The following PTPN21 variants were observed in gnomAD, a reference collection of about 807,000 sequenced individuals.
The protein encoded by PTPN21 is protein tyrosine phosphatase non-receptor type 21.
A neutral mutation model predicts 131.8 loss-of-function variants in PTPN21; 77 were observed. The ratio of observed to expected loss-of-function variants is 0.58; its 90% CI spans 0.49 to 0.71. The LOEUF is 0.71. Ranked by LOEUF, PTPN21 falls within the 30% of genes least tolerant of loss-of-function variation. The probability of loss-of-function intolerance (pLI) is 0.00; values close to 1 mark genes in which losing one functional copy is unlikely to be tolerated. For missense variants in PTPN21, 1,552 were observed against 1,527.1 expected, an observed-to-expected ratio of 1.02 and a Z score of -0.27; for synonymous variants, 715 against 621.3, an observed-to-expected ratio of 1.15 and a Z score of -2.24.
chr14:88,473,583 A>G (rs1012203010), intron 14 of PTPN21, 82 bp downstream of exon 14: 5 of 1,486,020 alleles, frequency 3.4e-6, no homozygotes, highest in Non-Finnish European at 4.5e-6. Flanking sequence ...TAGAAAATTC[A>G]CCAAAATCTC....
At position 88,544,841 on chromosome 14, in the gene PTPN21, T is replaced by C. The variant is rs552270390; in HGVS notation, c.180+5397A>G. Among the ~76,000 whole-genome samples the C allele has an allele frequency of 1.1e-3, 171 of 152,222 alleles. 3 individuals are homozygous for C. The highest frequency in any genetic ancestry group is 6.8e-3 in the Middle Eastern group (2 of 294). On this transcript the variant is annotated intron_variant, in intron 2 of 18. Transcript: ENST00000556564. ...TGTACTTTTTCTTTTCTTTTCTTTT[T>C]TTTTGAGACAGAGTCTCACTCTGTC...
intron 3 of PTPN21, among the ~76,000 whole-genome samples, chr14:88,514,769 C>G (rs2078240891): frequency 6.6e-6 from 1 of 151,962 alleles, no homozygotes; most frequent in Non-Finnish European, 1.5e-5. Flanking sequence ...TGGCCCTCCC[C>G]CTTTGTTTTC....
intron 2 of PTPN21, among the ~76,000 whole-genome samples, chr14:88,522,445 A>G (rs1348676763): frequency 7.2e-6 from 1 of 138,950 alleles, no homozygotes; most frequent in Non-Finnish European, 1.5e-5. Flanking sequence ...AAAAAAAAAG[A>G]AAAAAAGAAA....
chr14:88,492,834 G>C, intron 10 of PTPN21: 1 of 264,916 alleles, frequency 3.8e-6, no homozygotes, highest in Non-Finnish European at 7.5e-6. Context: ...GCCACACTCC[G>C]GCTCCCATTG....
intron 3 of PTPN21, 58 bp from the exon 4 acceptor site, chr14:88,508,078 T>G: frequency 1.1e-6 from 1 of 882,246 alleles, no homozygotes; most frequent in East Asian, 2.6e-5. Flanking sequence ...TGAGATACAA[T>G]GCATTTAACC....
chr14:88,528,210 T>C (rs1438109586), intron 2 of PTPN21, among the ~76,000 whole-genome samples: 1 of 152,188 alleles, frequency 6.6e-6, no homozygotes, highest in African/African-American at 2.4e-5. Context: ...TTGATGGGAA[T>C]TGCATTGAAT....
At chr14:88,517,021 T>C in intron 3 of PTPN21, 71 bp downstream of exon 3, 1 of 1,543,606 alleles carries the variant, frequency 6.5e-7, no homozygotes, top group Non-Finnish European at 8.8e-7. Flanking sequence ...ATCTTCTGAC[T>C]TCAACCTTAG....
At chr14:88,487,098 TA>T (rs1167621783) in intron 10 of PTPN21, among the ~76,000 whole-genome samples, 2 of 150,692 alleles carry the variant, frequency 1.3e-5, no homozygotes, top group Non-Finnish European at 1.5e-5. Context: ...AACAATAAGG[TA>T]AAAAAAGGAA....
Position 88,469,611 on chromosome 14 carries a change from G to A in PTPN21, c.3123C>T (p.Thr1041=), listed in dbSNP as rs562222107. ...RFRTDSGCYA[T]TGLKMKHLLT... is the part of the protein sequence containing the mutation. ...GGAGGTGCTTCATCTTCAGGCCTGT[G>A]GTGGCATAGCAGCCAGAGTCTGTGC... The change falls in exon 17 of 19, where the codon ACC becomes ACT. Residue 1041 remains threonine (T), a synonymous_variant. Transcript: ENST00000556564. The surrounding 1 kb of genome is among the most constrained non-coding windows in gnomAD (Gnocchi z 4.3). The A allele has an allele frequency of 2.1e-5, 34 of 1,614,100 alleles. No individual in the cohort carries two copies. In the Admixed American group the frequency reaches 4.5e-4, roughly 21 times the overall value.
At chr14:88,509,662 G>A (rs138013687) in intron 3 of PTPN21, among the ~76,000 whole-genome samples, 4 of 152,310 alleles carry the variant, frequency 2.6e-5, no homozygotes, top group East Asian at 1.9e-4. Flanking sequence ...GAGGGAGAGC[G>A]TGTTTAGGGA....
intron 6 of PTPN21, among the ~76,000 whole-genome samples, chr14:88,502,539 C>T (rs2140133129): frequency 6.6e-6 from 1 of 152,244 alleles, no homozygotes; most frequent in East Asian, 1.9e-4. Flanking sequence ...TGGGAATGCA[C>T]TCTTAGAAGA....
intron 1 of PTPN21, among the ~76,000 whole-genome samples, chr14:88,553,301 G>A (rs1475696660): frequency 6.6e-6 from 1 of 152,016 alleles, no homozygotes; most frequent in Non-Finnish European, 1.5e-5. Flanking sequence ...CCATAAGAAT[G>A]GCTTGCTTTT....
intron 10 of PTPN21, chr14:88,492,927 TTCA>T: frequency 2.8e-6 from 1 of 357,566 alleles, no homozygotes; most frequent in Non-Finnish European, 5.5e-6. Flanking sequence ...CTCATGGAGC[TTCA>T]TCAAACAAGA....
intron 10 of PTPN21, among the ~76,000 whole-genome samples, chr14:88,491,943 G>A (rs914593685): frequency 6.6e-6 from 1 of 151,722 alleles, no homozygotes; most frequent in East Asian, 1.9e-4. Context: ...AACTAGAGCT[G>A]AATTTCTAAG....
At chr14:88,488,338 T>C (rs1221855170) in intron 10 of PTPN21, among the ~76,000 whole-genome samples, 1 of 152,134 alleles carries the variant, frequency 6.6e-6, no homozygotes, top group Non-Finnish European at 1.5e-5. Context: ...GCACCCAGTG[T>C]GGAGGCGAAC....
chr14:88,497,367 C>T, intron 8 of PTPN21, 77 bp from the exon 9 acceptor site: 1 of 1,182,314 alleles, frequency 8.5e-7, no homozygotes, highest in Non-Finnish European at 1.2e-6. Context: ...ACAAGTTTTC[C>T]CTAAGCCTGA....
chr14:88,512,800 T>C (rs1226121936), intron 3 of PTPN21, among the ~76,000 whole-genome samples: 1 of 152,232 alleles, frequency 6.6e-6, no homozygotes, highest in Non-Finnish European at 1.5e-5. Context: ...CAGTGCAGAC[T>C]GGAAGCTTGC....
chr14:88,549,052 G>GT (rs2078822381), intron 2 of PTPN21, among the ~76,000 whole-genome samples: 1 of 152,186 alleles, frequency 6.6e-6, no homozygotes, highest in African/African-American at 2.4e-5. Context: ...GAGGAAACTA[G>GT]AACTCAAACT....
intron 10 of PTPN21, among the ~76,000 whole-genome samples, chr14:88,486,210 AT>A (rs1170474537): frequency 6.6e-6 from 1 of 152,200 alleles, no homozygotes; most frequent in Non-Finnish European, 1.5e-5. Flanking sequence ...GAGAAGCTGG[AT>A]TCAGTGCAAA....
Sources: allele counts gnomAD v4.1 joint callset (sites outside exome capture counted in the v4.1 genomes callset), GRCh38; gene constraint gnomAD v4.1.1; non-coding constraint Gnocchi (gnomAD v3.1); transcripts MANE v1.5; gene names NCBI Gene and HGNC (gene_info 2026-07-23, HGNC 2026-07-21).